OLAH: variants seen among roughly 807,000 people sequenced by gnomAD.
OLAH encodes S-acyl fatty acid synthase thioesterase, medium chain.
Under a neutral mutation model 27.8 loss-of-function variants are expected in OLAH, and 33 were observed. The observed-to-expected ratio is 1.19, with a 90% CI of 0.90 to 1.59. The LOEUF (loss-of-function observed/expected upper bound fraction) is 1.59. Among genes scored for constraint, OLAH ranks in the 40% most tolerant of loss-of-function variants. The probability of loss-of-function intolerance (pLI) is 0.00; values close to 1 mark genes in which losing one functional copy is unlikely to be tolerated. For synonymous variants in OLAH, 120 were observed against 102.9 expected (o/e 1.17, Z -1.01); for missense variants, 359 against 310.8 (o/e 1.16, Z -1.17).
At chr10:15,040,660 G>A (rs888132031), upstream of OLAH, among the ~76,000 whole-genome samples, 4 of 150,206 alleles carry the variant, frequency 2.7e-5, no homozygotes, top group South Asian at 2.2e-4. Context: ...CCGCTACCCC[G>A]TTTTCTACTC....
chr10:15,042,855 T>A (rs1280222912), upstream of OLAH, among the ~76,000 whole-genome samples: 2 of 133,394 alleles, frequency 1.5e-5, no homozygotes. Context: ...GTGTCTTTTT[T>A]TTTTTTTTTT....
chr10:15,072,383 T>C (rs1178088369), intron 7 of OLAH, among the ~76,000 whole-genome samples: 4 of 152,140 alleles, frequency 2.6e-5, no homozygotes, highest in Non-Finnish European at 4.4e-5. Context: ...GAGATGTTGG[T>C]CTTGTGTAAA....
chr10:15,070,733 G>A (rs560106861), intron 6 of OLAH, among the ~76,000 whole-genome samples: 21 of 151,246 alleles, frequency 1.4e-4, no homozygotes, highest in South Asian at 2.1e-4. Context: ...CACCCACCTC[G>A]GCCCCCCAAA....
Position 15,049,620 on chromosome 10 carries a change from G to C in OLAH, c.33-15G>C, listed in dbSNP as rs1844092244. On this transcript the variant is annotated splice_polypyrimidine_tract_variant and intron_variant, in intron 2 of 7. Coordinates refer to ENST00000378228, the MANE Select transcript of OLAH (RefSeq NM_001039702.3). Reference sequence around the variant, plus strand: ...GATATACATAATGTTAAATATATTTGAATTTTCTCCCTAGGAATGAAAACA... The same window carrying C: ...GATATACATAATGTTAAATATATTTCAATTTTCTCCCTAGGAATGAAAACA... 1.3e-6 allele frequency: 2 copies of C among 1,539,948 alleles called. No individual in the cohort carries two copies. The highest frequency in any genetic ancestry group is 1.4e-5 in the African/African-American group (1 of 71,914).
Position 15,047,259 on chromosome 10 carries a change from A to G in OLAH, c.-30A>G. Reference sequence around the variant, plus strand: ...GTTGAGCACTCAACACGCCACAGAGACCAGCCATCTTGCAACCTCACCTCA... The same window carrying G: ...GTTGAGCACTCAACACGCCACAGAGGCCAGCCATCTTGCAACCTCACCTCA... On this transcript the variant is annotated 5_prime_UTR_variant, in exon 2 of 8. Transcript: ENST00000378228. The G allele has an allele frequency of 6.2e-7, 1 of 1,612,774 alleles. No individual in the cohort carries two copies. Among genetic ancestry groups the G allele is most frequent in the Non-Finnish European group, 8.5e-7 (1 of 1,179,378 alleles).
At chr10:15,045,933 A>T (rs999701849) in intron 1 of OLAH, among the ~76,000 whole-genome samples, 1 of 152,160 alleles carries the variant, frequency 6.6e-6, no homozygotes, top group Non-Finnish European at 1.5e-5. Context: ...TGGGAGGCTA[A>T]GGCACAGGAA....
Position 15,065,448 on chromosome 10 carries a change from T to C in OLAH, c.403-136T>C. ...CTACTTTCAAAACGACATAGTTCTT[T>C]CCTGAAGCCTATAGATAAAGCAGTC... On this transcript the variant is annotated intron_variant, in intron 5 of 7. Transcript: ENST00000378228. 5.9e-6 allele frequency: 5 copies of C among 850,636 alleles called. 1 individual carries two copies. The highest frequency in any genetic ancestry group is 5.2e-5 in the African/African-American group (3 of 58,218). 52.7% of individuals were successfully genotyped at this position (850,636 alleles called of 1,614,324 possible). A position where few individuals can be genotyped will look rare whatever the true frequency, so the allele number is the denominator to read the frequency against.
chr10:15,066,962 C>T (rs1351194519), intron 6 of OLAH, among the ~76,000 whole-genome samples: 2 of 152,076 alleles, frequency 1.3e-5, no homozygotes. Context: ...TTGAGATCTA[C>T]TGCACAGCAC....
At chr10:15,045,648 G>A (rs1462453321) in intron 1 of OLAH, among the ~76,000 whole-genome samples, 1 of 152,140 alleles carries the variant, frequency 6.6e-6, no homozygotes, top group Non-Finnish European at 1.5e-5. Context: ...TCCACTGCAT[G>A]ACAAAAGCTT....
intron 1 of OLAH, 81 bp downstream of exon 1, chr10:15,044,067 T>C (rs1036995602): frequency 6.6e-6 from 1 of 152,196 alleles, no homozygotes. Flanking sequence ...CAGCCTATAG[T>C]TGGATTATCT....
At chr10:15,071,736 G>GA in intron 6 of OLAH, 59 bp from the exon 7 acceptor site, 2 of 1,511,450 alleles carry the variant, frequency 1.3e-6, no homozygotes, top group East Asian at 4.5e-5. Flanking sequence ...TTAGGAACAG[G>GA]AAAAGATTCT....
intron 7 of OLAH, among the ~76,000 whole-genome samples, chr10:15,072,471 A>T (rs1349819494): frequency 1.3e-5 from 2 of 152,202 alleles, no homozygotes; most frequent in Non-Finnish European, 2.9e-5. Context: ...TTAAAGAAAG[A>T]GGAAAGACAA....
At chr10:15,063,802 CTA>C (rs1459823961) in intron 4 of OLAH, among the ~76,000 whole-genome samples, 2 of 152,124 alleles carry the variant, frequency 1.3e-5, no homozygotes, top group Non-Finnish European at 2.9e-5. Flanking sequence ...ATGAAAAAGA[CTA>C]TATTTTCCAA....
chr10:15,041,289 T>A (rs1843916130), upstream of OLAH, among the ~76,000 whole-genome samples: 1 of 151,978 alleles, frequency 6.6e-6, no homozygotes, highest in Non-Finnish European at 1.5e-5. Flanking sequence ...TATTTTTATT[T>A]TTTTTGAGAC....
chr10:15,042,487 G>C (rs1843937347), upstream of OLAH, among the ~76,000 whole-genome samples: 1 of 152,150 alleles, frequency 6.6e-6, no homozygotes, highest in Non-Finnish European at 1.5e-5. Flanking sequence ...GCAATGTAAT[G>C]TCACGGAGAA....
intron 3 of OLAH, among the ~76,000 whole-genome samples, chr10:15,058,620 TG>T (rs1196971167): frequency 3.9e-5 from 6 of 152,118 alleles, no homozygotes; most frequent in Admixed American, 1.3e-4. Flanking sequence ...TCTGAGTTTG[TG>T]GGGGGGAAAA....
chr10:15,040,262 C>T (rs928138001), upstream of OLAH, among the ~76,000 whole-genome samples: 3 of 152,114 alleles, frequency 2.0e-5, no homozygotes, highest in Admixed American at 2.0e-4. Flanking sequence ...GTCCTTCCAA[C>T]CTGCCAGTCT....
chr10:15,049,330 C>A (rs2131345804), intron 2 of OLAH, among the ~76,000 whole-genome samples: 1 of 152,094 alleles, frequency 6.6e-6, no homozygotes, highest in African/African-American at 2.4e-5. Flanking sequence ...CATGAGGTCT[C>A]ACTATGTTGT....
At position 15,069,290 on chromosome 10, in the gene OLAH, G is replaced by A. The variant is rs74324972; in HGVS notation, c.573-2505G>A. Among the ~76,000 whole-genome samples the A allele has an allele frequency of 4.9e-3, 751 of 152,246 alleles. 13 individuals are homozygous for A. Among genetic ancestry groups the A allele is most frequent in the East Asian group, 0.023 (119 of 5,176 alleles). On this transcript the variant is annotated intron_variant, in intron 6 of 7. Transcript: ENST00000378228. Reference sequence around the variant, plus strand: ...AGCAGCAGAACTCTGCTTGGTTTTGGTGTAGAATTGTTTCTCATCCCTTCC... The same window carrying A: ...AGCAGCAGAACTCTGCTTGGTTTTGATGTAGAATTGTTTCTCATCCCTTCC...
Sources: allele counts gnomAD v4.1 joint callset (sites outside exome capture counted in the v4.1 genomes callset), GRCh38; gene constraint gnomAD v4.1.1; transcripts MANE v1.5; gene names NCBI Gene and HGNC (gene_info 2026-07-23, HGNC 2026-07-21).